Variants in CPNE8 observed in about 807,000 individuals in gnomAD.
CPNE8 encodes the protein copine 8.
A neutral mutation model predicts 81.5 loss-of-function variants in CPNE8; 45 were observed. The observed-to-expected ratio is 0.55, with a 90% CI of 0.44 to 0.71. The LOEUF is 0.71. Among genes scored for constraint, CPNE8 ranks in the 30% least tolerant of loss-of-function variants. The probability of loss-of-function intolerance (pLI) is 0.00; values close to 1 mark genes in which losing one functional copy is unlikely to be tolerated. For synonymous variants in CPNE8, 252 were observed against 226.3 expected (o/e 1.11, Z -1.02); for missense variants, 594 against 672.1 (o/e 0.88, Z 1.28).
intron 19 of CPNE8, among the ~76,000 whole-genome samples, chr12:38,657,715 T>C (rs1263418932): frequency 6.6e-6 from 1 of 152,136 alleles, no homozygotes; most frequent in Non-Finnish European, 1.5e-5. Context: ...AGTTCTGCAA[T>C]ATTTGCTGTT....
At chr12:38,740,851 CT>C (rs1181094799) in intron 10 of CPNE8, among the ~76,000 whole-genome samples, 2 of 152,040 alleles carry the variant, frequency 1.3e-5, no homozygotes, top group Non-Finnish European at 2.9e-5. Flanking sequence ...CTAAAATTCT[CT>C]TTTTTTGTTG....
In CPNE8 at chr12:38,652,623, C is replaced by A. The variant is rs1938724457; in HGVS notation, c.*1259G>T. 6.6e-6 allele frequency: 1 copy of A among 152,466 alleles called. No individual in the cohort carries two copies. Among genetic ancestry groups the A allele is most frequent in the Non-Finnish European group, 1.5e-5 (1 of 67,978 alleles). 9.4% of individuals were successfully genotyped at this position (152,466 alleles called of 1,614,324 possible). On this transcript the variant is annotated 3_prime_UTR_variant, in exon 20 of 20. Coordinates refer to ENST00000331366, the MANE Select transcript of CPNE8 (RefSeq NM_153634.3). ...ACACACACACACACACAAATAAATA[C>A]ACTTTTCTATTATTTGAAGGCAATT... is the stretch of plus-strand genomic sequence containing the variant.
rs144676158 is a variant in CPNE8 at position 38,660,477 on chromosome 12, A to C, written c.1507-6407T>G. On this transcript the variant is annotated intron_variant, in intron 19 of 19. Coordinates refer to ENST00000331366, the MANE Select transcript of CPNE8 (RefSeq NM_153634.3). Reference sequence around the variant, plus strand: ...ACAAAAATTAATTCAAGATGGATTAAAGACTTAAATCTTAGACTTAAAACC... The same window carrying C: ...ACAAAAATTAATTCAAGATGGATTACAGACTTAAATCTTAGACTTAAAACC... Among the ~76,000 whole-genome samples the C allele has an allele frequency of 2.3e-3, 346 of 152,358 alleles. 2 individuals carry two copies. The highest frequency in any genetic ancestry group is 8.0e-3 in the African/African-American group (333 of 41,578).
intron 14 of CPNE8, among the ~76,000 whole-genome samples, chr12:38,695,678 C>A (rs547841794): frequency 1.3e-5 from 2 of 152,246 alleles, no homozygotes; most frequent in South Asian, 4.1e-4. Flanking sequence ...AACTCTCATG[C>A]CTGAAATCCT....
chr12:38,821,792 A>G (rs368927772), intron 6 of CPNE8, among the ~76,000 whole-genome samples: 139 of 152,242 alleles, frequency 9.1e-4, no homozygotes, highest in African/African-American at 3.2e-3. Flanking sequence ...AGAGTAAGCA[A>G]TTTACCTCCC....
At chr12:38,675,039 T>C (rs1276996048) in intron 18 of CPNE8, among the ~76,000 whole-genome samples, 1 of 152,212 alleles carries the variant, frequency 6.6e-6, no homozygotes. Context: ...ACTACGAACA[T>C]TTACCCAGAT....
At chr12:38,862,965 A>T (rs1943860680) in intron 3 of CPNE8, among the ~76,000 whole-genome samples, 1 of 152,050 alleles carries the variant, frequency 6.6e-6, no homozygotes, top group Admixed American at 6.5e-5. Flanking sequence ...GAAATAAAAG[A>T]TCAAATTAAA....
chr12:38,663,990 G>T (rs1219617866), intron 19 of CPNE8, among the ~76,000 whole-genome samples: 1 of 151,900 alleles, frequency 6.6e-6, no homozygotes, highest in African/African-American at 2.4e-5. Flanking sequence ...GGGGAAAGAG[G>T]GGTAAGGAGA....
chr12:38,793,726 T>C (rs906544392), intron 6 of CPNE8, among the ~76,000 whole-genome samples: 1 of 151,966 alleles, frequency 6.6e-6, no homozygotes, highest in Non-Finnish European at 1.5e-5. Context: ...AAAATCAATC[T>C]ATAATTCATA....
intron 3 of CPNE8, among the ~76,000 whole-genome samples, chr12:38,862,031 AAG>A (rs1231766935): frequency 1.3e-5 from 2 of 152,272 alleles, no homozygotes; most frequent in African/African-American, 4.8e-5. Context: ...AATATCACAA[AAG>A]AGTGAAAACA....
At chr12:38,791,078 A>G (rs1199289562) in intron 6 of CPNE8, among the ~76,000 whole-genome samples, 1 of 151,672 alleles carries the variant, frequency 6.6e-6, no homozygotes, top group South Asian at 2.1e-4. Context: ...AACTATGTAC[A>G]CTTTCATCTT....
intron 10 of CPNE8, among the ~76,000 whole-genome samples, chr12:38,738,740 A>T (rs1166893463): frequency 6.6e-6 from 1 of 151,890 alleles, no homozygotes; most frequent in Non-Finnish European, 1.5e-5. Context: ...TTCGGTATTT[A>T]TGAAGTTCTC....
At chr12:38,728,702 T>C (rs1282904351) in intron 11 of CPNE8, among the ~76,000 whole-genome samples, 1 of 152,144 alleles carries the variant, frequency 6.6e-6, no homozygotes. Context: ...GAAATAATTA[T>C]ATGAAGAACT....
intron 10 of CPNE8, among the ~76,000 whole-genome samples, chr12:38,744,345 C>T (rs1941177394): frequency 6.6e-6 from 1 of 152,070 alleles, no homozygotes; most frequent in South Asian, 2.1e-4. Flanking sequence ...TTGGGATTCT[C>T]CTCATCAAAA....
At chr12:38,683,853 A>G (rs1358414483) in intron 16 of CPNE8, among the ~76,000 whole-genome samples, 6 of 152,084 alleles carry the variant, frequency 3.9e-5, no homozygotes, top group Non-Finnish European at 8.8e-5. Flanking sequence ...TCCTATATTC[A>G]AGAACTTACA....
Position 38,893,749 on chromosome 12 carries a change from CA to C in CPNE8, c.98+11687del, listed in dbSNP as rs1944345837. Among the ~76,000 whole-genome samples, 2 of 152,176 alleles carry C rather than the reference CA, an allele frequency of 1.3e-5. 1 individual carries two copies. Among genetic ancestry groups the C allele is most frequent in the Non-Finnish European group, 2.9e-5 (2 of 68,026 alleles). On this transcript the variant is annotated intron_variant, in intron 1 of 19. Transcript: ENST00000331366. ...TCCTTTCCCTATTACTTTTTCTTCACAAACCTTCTTTTATTTAAAAAACTCA... is the reference window on the plus strand; with the variant it reads ...TCCTTTCCCTATTACTTTTTCTTCACAACCTTCTTTTATTTAAAAAACTCA...
At chr12:38,829,812 A>G (rs915773644) in intron 5 of CPNE8, among the ~76,000 whole-genome samples, 17 of 152,316 alleles carry the variant, frequency 1.1e-4, no homozygotes, top group African/African-American at 4.1e-4. Context: ...TGAGGAGACA[A>G]AATGAGAAAG....
chr12:38,768,859 G>A (rs1423160356), intron 7 of CPNE8, among the ~76,000 whole-genome samples: 1 of 152,118 alleles, frequency 6.6e-6, no homozygotes, highest in Non-Finnish European at 1.5e-5. Context: ...AAGAGGTGAA[G>A]TGGCAAAGTA....
chr12:38,875,751 A>C (rs1290388186), intron 1 of CPNE8, among the ~76,000 whole-genome samples: 1 of 152,250 alleles, frequency 6.6e-6, no homozygotes, highest in African/African-American at 2.4e-5. Flanking sequence ...AAGGAGAAAC[A>C]TCAGACATAC....
Sources: gnomAD v4.1 joint callset for allele counts (sites outside exome capture counted in the v4.1 genomes callset) on GRCh38, gnomAD v4.1.1 for gene constraint, MANE v1.5 for transcripts, NCBI Gene and HGNC (gene_info 2026-07-23, HGNC 2026-07-21) for gene names.